The following PDE2A variants were observed in gnomAD, a reference collection of about 807,000 sequenced individuals.
PDE2A encodes the protein phosphodiesterase 2A.
In PDE2A, 53 loss-of-function variants were observed where a neutral mutation model predicts 133.6. The observed-to-expected ratio is 0.40, with a 90% confidence interval of 0.32 to 0.50. The LOEUF (loss-of-function observed/expected upper bound fraction) is 0.50. Ranked by LOEUF, PDE2A falls within the 20% of genes least tolerant of loss-of-function variation. PDE2A has a pLI of 0.73. For synonymous variants in PDE2A, 491 were observed against 490.2 expected (o/e 1.00, Z -0.02); for missense variants, 796 against 1,232.4 (o/e 0.65, Z 5.30).
rs566807956 is a variant in PDE2A at position 72,597,914 on chromosome 11, C to A, written c.324-295G>T. ...AGAGCAGAGGAAGTGAATGCAGGGG[C>A]TCAAAGCTAGGCTGCCTGCTACAAT... On this transcript the variant is annotated intron_variant, in intron 4 of 30. Transcript: ENST00000334456. This position sits in a 1 kb window ranked among gnomAD's most constrained non-coding sequence, Gnocchi z 4.6. Among the ~76,000 whole-genome samples the A allele has an allele frequency of 2.0e-5, 3 of 152,216 alleles. No homozygotes were observed. Among genetic ancestry groups the A allele is most frequent in the African/African-American group, 7.2e-5 (3 of 41,548 alleles).
intron 4 of PDE2A, among the ~76,000 whole-genome samples, chr11:72,602,124 T>C (rs1206684243): frequency 6.6e-6 from 1 of 152,034 alleles, no homozygotes; most frequent in Non-Finnish European, 1.5e-5. Flanking sequence ...TACAATGGGA[T>C]TGGCTGAGAT....
At chr11:72,657,176 C>T (rs1481248405) in intron 1 of PDE2A, among the ~76,000 whole-genome samples, 1 of 152,168 alleles carries the variant, frequency 6.6e-6, no homozygotes, top group Non-Finnish European at 1.5e-5. Context: ...CAGTGGTCCC[C>T]ACACACCTTC....
intron 26 of PDE2A, 23 bp downstream of exon 26, chr11:72,579,511 C>A: frequency 2.8e-6 from 4 of 1,429,908 alleles, no homozygotes; most frequent in South Asian, 2.4e-5. Context: ...CCTCAATCCC[C>A]ACCCCACCCC....
In PDE2A at chr11:72,583,521, G is replaced by C. The variant is rs943670649; in HGVS notation, c.1651-6C>G. On this transcript the variant is annotated splice_polypyrimidine_tract_variant and splice_region_variant and intron_variant, in intron 19 of 30. Transcript: ENST00000334456. ...ACTTTTTTGTATAGGAGAGACTAGG[G>C]GAAAGAGGGAAAGATGGGGCTCAAG... 5.0e-6 allele frequency: 8 copies of C among 1,586,242 alleles called. No individual in the cohort carries two copies. In the African/African-American group the frequency reaches 1.1e-4, roughly 21 times the overall value.
At position 72,590,302 on chromosome 11, in the gene PDE2A, C is replaced by T. The variant is rs980250984; in HGVS notation, c.704-58G>A. ...CCCCTCCGCACCTCCGTGTCCGGGT[C>T]CCTCAGGCGCCGCTCAGCTCCGCGC... On this transcript the variant is annotated intron_variant, in intron 8 of 30. Transcript: ENST00000334456. This position sits in a 1 kb window ranked among gnomAD's most constrained non-coding sequence, Gnocchi z 4.8. 20 of 1,541,122 alleles carry T rather than the reference C, an allele frequency of 1.3e-5. No individual in the cohort carries two copies. The highest frequency in any genetic ancestry group is 1.8e-5 in the Non-Finnish European group (20 of 1,138,300).
At chr11:72,588,219 T>C (rs1010917747) in intron 13 of PDE2A, among the ~76,000 whole-genome samples, 2 of 152,188 alleles carry the variant, frequency 1.3e-5, no homozygotes, top group African/African-American at 4.8e-5. Flanking sequence ...TGGTGTAGGA[T>C]ATGAAATTTA....
rs572476317 is a variant in PDE2A, at chr11:72,598,846, G to A, written c.324-1227C>T. 8 of 985,300 alleles carry A rather than the reference G, an allele frequency of 8.1e-6. No individual in the cohort carries two copies. The South Asian group carries it at 3.8e-4, about 46-fold the overall frequency. 61.0% of individuals were successfully genotyped at this position (985,300 alleles called of 1,614,324 possible). On this transcript the variant is annotated intron_variant, in intron 4 of 30. Transcript: ENST00000334456. ...AGTAATCCAGGATCTACAGGAACCG[G>A]TGGTGTCTCCCACCTTCCAGCCCCT...
In PDE2A at chr11:72,669,049, C is replaced by T. The variant is rs577136298; in HGVS notation, c.71+5088G>A. On this transcript the variant is annotated intron_variant, in intron 1 of 30. Transcript: ENST00000334456. Reference sequence around the variant, plus strand: ...GCCGCATGCCAGGGGCTAAGCTCTGCACTTCCAGATTCTTCAGAATCATCC... The same window carrying T: ...GCCGCATGCCAGGGGCTAAGCTCTGTACTTCCAGATTCTTCAGAATCATCC... 1,759 of 755,550 alleles carry T rather than the reference C, an allele frequency of 2.3e-3. 3 individuals carry two copies. The highest frequency in any genetic ancestry group is 3.0e-3 in the South Asian group (52 of 17,274). The allele number at this position is 755,550 out of a possible 1,614,324, so 46.8% of individuals were successfully genotyped here.
At chr11:72,599,353 C>T (rs1400522380) in intron 4 of PDE2A, among the ~76,000 whole-genome samples, 1 of 152,088 alleles carries the variant, frequency 6.6e-6, no homozygotes, top group African/African-American at 2.4e-5. Context: ...CACCTGGAGC[C>T]TCCCCACCAC....
At chr11:72,674,094 CCT>C (rs1482235845) in intron 1 of PDE2A, 41 bp downstream of exon 1, 1 of 1,592,822 alleles carries the variant, frequency 6.3e-7, no homozygotes, top group Non-Finnish European at 8.6e-7. Context: ...GTCTGTGGCA[CCT>C]CTCACAGCCG....
chr11:72,618,865 C>G (rs1004956629), intron 2 of PDE2A, among the ~76,000 whole-genome samples: 57 of 40,602 alleles, frequency 1.4e-3, no homozygotes, highest in Non-Finnish European at 2.7e-3. Flanking sequence ...TACAGCCCAC[C>G]TCCCAACATA....
chr11:72,625,326 C>T (rs1466457335), intron 2 of PDE2A, among the ~76,000 whole-genome samples: 1 of 152,220 alleles, frequency 6.6e-6, no homozygotes, highest in African/African-American at 2.4e-5. Flanking sequence ...TCGCCCCAGC[C>T]CCAGGGTGCC....
At chr11:72,612,566 G>C (rs1857260324) in intron 2 of PDE2A, among the ~76,000 whole-genome samples, 1 of 152,084 alleles carries the variant, frequency 6.6e-6, no homozygotes, top group African/African-American at 2.4e-5. Context: ...ACTAAAAAAT[G>C]GATCTTTCTA....
In PDE2A at chr11:72,608,647, A is replaced by G; in HGVS notation, c.234+15T>C. 2 of 1,337,366 alleles carry G rather than the reference A, an allele frequency of 1.5e-6. No individual in the cohort carries two copies. The highest frequency in any genetic ancestry group is 2.1e-6 in the Non-Finnish European group (2 of 955,388). The allele number at this position is 1,337,366 out of a possible 1,614,324, so 82.8% of individuals were successfully genotyped here. ...GGGGTGGGGTGGGAAGCGTGGGGCA[A>G]GGGCGGGCACCTACCACTCGGGGGA... On this transcript the variant is annotated intron_variant, in intron 3 of 30. Coordinates refer to ENST00000334456, the MANE Select transcript of PDE2A (RefSeq NM_002599.5).
At chr11:72,638,083 G>T (rs1205202727) in intron 2 of PDE2A, among the ~76,000 whole-genome samples, 1 of 152,154 alleles carries the variant, frequency 6.6e-6, no homozygotes, top group Admixed American at 6.5e-5. Flanking sequence ...TTTACCCGCC[G>T]CAGGCAGCAC....
intron 2 of PDE2A, among the ~76,000 whole-genome samples, chr11:72,614,907 G>T (rs1047894452): frequency 6.6e-6 from 1 of 152,050 alleles, no homozygotes; most frequent in African/African-American, 2.4e-5. Context: ...GGGGCCACTC[G>T]CAGCGCAGGA....
At chr11:72,630,007 C>T (rs1858294649) in intron 2 of PDE2A, among the ~76,000 whole-genome samples, 1 of 152,158 alleles carries the variant, frequency 6.6e-6, no homozygotes, top group South Asian at 2.1e-4. Context: ...CTCTCTCACA[C>T]ACACACACAC....
chr11:72,589,766 T>C lies in PDE2A; in HGVS notation c.858A>G (p.Glu286=), dbSNP rs1346001736. ...CKVIGDKVLG[E]EVSFPLTGCL... Reference sequence around the variant, plus strand: ...CGGGACTCACGGGAAAGCTGACCTCTTCCCCGAGCACTTTGTCTCCGATGA... The same window carrying C: ...CGGGACTCACGGGAAAGCTGACCTCCTCCCCGAGCACTTTGTCTCCGATGA... The change falls in exon 11 of 31, where the codon GAA becomes GAG. Residue 286 remains glutamate (E), a synonymous_variant. Coordinates refer to ENST00000334456, the MANE Select transcript of PDE2A (RefSeq NM_002599.5). The C allele has an allele frequency of 6.2e-7, 1 of 1,613,850 alleles. No individual in the cohort carries two copies.
intron 18 of PDE2A, 33 bp downstream of exon 18, chr11:72,584,518 G>GC (rs772574796): frequency 6.4e-7 from 1 of 1,556,976 alleles, no homozygotes; most frequent in Admixed American, 1.9e-5. Context: ...CCCGGCGCAG[G>GC]CCCCGCCCCT....
Sources: gnomAD v4.1 joint callset for allele counts (sites outside exome capture counted in the v4.1 genomes callset) on GRCh38, gnomAD v4.1.1 for gene constraint, Gnocchi (gnomAD v3.1) non-coding constraint, MANE v1.5 for transcripts, NCBI Gene and HGNC (gene_info 2026-07-23, HGNC 2026-07-21) for gene names.